CAST: variants seen among roughly 807,000 people sequenced by gnomAD.
CAST encodes the protein MIR583 host.
Under a neutral mutation model 119.6 loss-of-function variants are expected in CAST, and 76 were observed. The observed-to-expected ratio is 0.64, with a 90% CI of 0.53 to 0.77. CAST has a LOEUF of 0.77. CAST is among the 30% of genes least tolerant of loss of function. The pLI, the probability that CAST is intolerant of heterozygous loss-of-function variation, is 0.00. For missense variants in CAST, 953 were observed against 946.5 expected, an observed-to-expected ratio of 1.01 and a Z score of -0.09; for synonymous variants, 319 against 331.6, an observed-to-expected ratio of 0.96 and a Z score of 0.41.
chr5:96,496,214 C>T, the CAST span, among the ~76,000 whole-genome samples: 1 of 151,974 alleles, frequency 6.6e-6, no homozygotes, highest in African/African-American at 2.4e-5. Context: ...ACTCTATTTT[C>T]ATATAGTTTT....
the CAST span, among the ~76,000 whole-genome samples, chr5:96,378,762 C>A: frequency 6.6e-6 from 1 of 152,050 alleles, no homozygotes; most frequent in Admixed American, 6.6e-5. Context: ...AGTGTCCTTT[C>A]CCCACACTTT....
At chr5:96,282,099 G>T in the CAST span, among the ~76,000 whole-genome samples, 1 of 147,916 alleles carries the variant, frequency 6.8e-6, no homozygotes, top group African/African-American at 2.5e-5. Flanking sequence ...GGTGATGAGG[G>T]TAGAGCCGGA....
chr5:96,731,937 A>G (rs1760619403), intron 9 of CAST, among the ~76,000 whole-genome samples: 1 of 152,148 alleles, frequency 6.6e-6, no homozygotes, highest in South Asian at 2.1e-4. Flanking sequence ...AGTCTTTGCT[A>G]TTGTGAATAA....
At chr5:96,201,682 T>G in the CAST span, among the ~76,000 whole-genome samples, 1 of 152,002 alleles carries the variant, frequency 6.6e-6, no homozygotes, top group Admixed American at 6.6e-5. Flanking sequence ...GGATCTGGGT[T>G]AAGGTCCTCC....
chr5:96,706,772 T>G lies in CAST; in HGVS notation c.210+10865T>G, dbSNP rs373142687. Among the ~76,000 whole-genome samples, 9 of 152,304 alleles carry G rather than the reference T, an allele frequency of 5.9e-5. No homozygotes were observed. The East Asian group carries it at 1.4e-3, about 23-fold the overall frequency. Reference sequence around the variant, plus strand: ...TGTTGCACACCTTTGCATGTGCTGTTTTGTGGAACTGAGAGTTCTGGTTAA... The same window carrying G: ...TGTTGCACACCTTTGCATGTGCTGTGTTGTGGAACTGAGAGTTCTGGTTAA... On this transcript the variant is annotated intron_variant, in intron 3 of 31. Transcript: ENST00000675179.
the CAST span, among the ~76,000 whole-genome samples, chr5:96,468,824 T>C: frequency 6.6e-6 from 1 of 152,000 alleles, no homozygotes; most frequent in Non-Finnish European, 1.5e-5. Context: ...TCTGACAACA[T>C]GGAGAGAAAA....
At chr5:96,595,296 G>C (rs998402106) in intron 1 of CAST, among the ~76,000 whole-genome samples, 2 of 152,192 alleles carry the variant, frequency 1.3e-5, no homozygotes, top group African/African-American at 4.8e-5. Flanking sequence ...TGAGGAAAAA[G>C]AGTTCCAACA....
the CAST span, among the ~76,000 whole-genome samples, chr5:96,360,167 A>G: frequency 6.6e-6 from 1 of 151,878 alleles, no homozygotes; most frequent in Admixed American, 6.6e-5. Flanking sequence ...TTCTCATGCT[A>G]TGTTTTTAAG....
the CAST span, among the ~76,000 whole-genome samples, chr5:95,973,831 G>T: frequency 1.3e-5 from 2 of 152,006 alleles, no homozygotes; most frequent in Admixed American, 6.6e-5. Context: ...CCAAGCAAAT[G>T]GATTATTTCT....
At chr5:95,978,131 T>C in the CAST span, among the ~76,000 whole-genome samples, 1 of 152,206 alleles carries the variant, frequency 6.6e-6, no homozygotes, top group Non-Finnish European at 1.5e-5. Flanking sequence ...GTCTCTATGA[T>C]AGAATGATTT....
the CAST span, among the ~76,000 whole-genome samples, chr5:96,461,310 G>T: frequency 3.3e-5 from 5 of 152,058 alleles, no homozygotes; most frequent in Admixed American, 6.6e-5. Flanking sequence ...TACAAATAAT[G>T]CTACTATGAA....
intron 1 of CAST, among the ~76,000 whole-genome samples, chr5:96,551,244 G>A (rs889520679): frequency 2.0e-5 from 3 of 152,240 alleles, no homozygotes; most frequent in Non-Finnish European, 2.9e-5. Flanking sequence ...CAAGCCAGAA[G>A]AGAGTGGGGG....
At chr5:96,198,882 A>T in the CAST span, among the ~76,000 whole-genome samples, 4 of 152,118 alleles carry the variant, frequency 2.6e-5, no homozygotes, top group African/African-American at 9.7e-5. Flanking sequence ...GGTTTCCCCA[A>T]AGCACAATTG....
At chr5:96,379,922 G>A in the CAST span, among the ~76,000 whole-genome samples, 1 of 152,096 alleles carries the variant, frequency 6.6e-6, no homozygotes, top group Non-Finnish European at 1.5e-5. Context: ...TGGATAGAGG[G>A]GGTATACAGC....
intron 1 of CAST, among the ~76,000 whole-genome samples, chr5:96,657,071 A>G (rs1183473826): frequency 6.6e-6 from 1 of 152,234 alleles, no homozygotes; most frequent in African/African-American, 2.4e-5. Flanking sequence ...ACCTGACACC[A>G]ATAAATATGT....
At chr5:96,762,099 T>C (rs1037565545) in intron 24 of CAST, 175 bp from the exon 25 acceptor site, 2 of 438,866 alleles carry the variant, frequency 4.6e-6, no homozygotes, top group Non-Finnish European at 8.2e-6. Context: ...TATAAAATAA[T>C]ACAATAGAGA....
chr5:96,416,147 A>G, the CAST span: 2 of 1,462,524 alleles, frequency 1.4e-6, no homozygotes, highest in Non-Finnish European at 9.6e-7. Context: ...TAAGAATTAT[A>G]AAACATACAG....
chr5:96,444,822 T>G, the CAST span, among the ~76,000 whole-genome samples: 1 of 152,182 alleles, frequency 6.6e-6, no homozygotes, highest in African/African-American at 2.4e-5. Flanking sequence ...CCCCTATGGT[T>G]CAGTCCCTTT....
At chr5:96,092,810 G>C in the CAST span, among the ~76,000 whole-genome samples, 2 of 152,268 alleles carry the variant, frequency 1.3e-5, no homozygotes, top group East Asian at 3.9e-4. Context: ...GGCAGCTTTA[G>C]AATCATAGAA....
Sources: allele counts gnomAD v4.1 joint callset (sites outside exome capture counted in the v4.1 genomes callset), GRCh38; gene constraint gnomAD v4.1.1; transcripts MANE v1.5; gene names NCBI Gene and HGNC (gene_info 2026-07-23, HGNC 2026-07-21).